The following KCNT2 variants were observed in gnomAD, a reference collection of about 807,000 sequenced individuals.
KCNT2 encodes potassium channel subfamily T member 2.
Under a neutral mutation model 153.8 loss-of-function variants are expected in KCNT2, and 67 were observed. The observed-to-expected ratio is 0.44, with a 90% CI of 0.36 to 0.53. KCNT2 has a LOEUF of 0.53. Among genes scored for constraint, KCNT2 ranks in the 20% least tolerant of loss-of-function variants. The pLI is 0.00. For synonymous variants in KCNT2, 500 were observed against 458.8 expected (o/e 1.09, Z -1.15); for missense variants, 975 against 1,354.8 (o/e 0.72, Z 4.40).
At chr1:196,359,858 C>G (rs1330619100) in intron 14 of KCNT2, among the ~76,000 whole-genome samples, 1 of 151,500 alleles carries the variant, frequency 6.6e-6, no homozygotes, top group Non-Finnish European at 1.5e-5. Flanking sequence ...GGAGTACATG[C>G]TATATATAAG....
At chr1:196,479,670 C>G (rs1557988904) in intron 4 of KCNT2, among the ~76,000 whole-genome samples, 1 of 152,088 alleles carries the variant, frequency 6.6e-6, no homozygotes, top group Non-Finnish European at 1.5e-5. Context: ...CTCAGCATTC[C>G]TAAGTGCTGG....
intron 13 of KCNT2, among the ~76,000 whole-genome samples, chr1:196,374,737 C>T (rs1019550487): frequency 1.3e-5 from 2 of 151,376 alleles, no homozygotes; most frequent in Non-Finnish European, 3.0e-5. Context: ...GTGTGTATGC[C>T]CAATCTGTGA....
chr1:196,470,058 A>T (rs933994763), intron 5 of KCNT2, among the ~76,000 whole-genome samples: 1 of 152,242 alleles, frequency 6.6e-6, no homozygotes, highest in African/African-American at 2.4e-5. Context: ...CCATATACTA[A>T]GAAATTAAGT....
At chr1:196,533,324 G>C (rs1655175240) in intron 1 of KCNT2, among the ~76,000 whole-genome samples, 1 of 151,918 alleles carries the variant, frequency 6.6e-6, no homozygotes, top group Admixed American at 6.6e-5. Flanking sequence ...CCTTACAAAA[G>C]GGGTAATTAC....
chr1:196,437,282 A>AATATATATAATATATATAAATATATTT (rs1558290494), intron 8 of KCNT2, among the ~76,000 whole-genome samples: 1 of 77,554 alleles, frequency 1.3e-5, no homozygotes, highest in Non-Finnish European at 3.1e-5. Context: ...ATATATATAA[A>AATATATATAATATATATAAATATATTT]ATATATATAA....
At chr1:196,287,227 C>G (rs954171405) in intron 22 of KCNT2, among the ~76,000 whole-genome samples, 1 of 152,060 alleles carries the variant, frequency 6.6e-6, no homozygotes, top group Non-Finnish European at 1.5e-5. Context: ...TTAACTTGAA[C>G]AGCTCATGTG....
chr1:196,320,550 A>T (rs1055981427), intron 19 of KCNT2, among the ~76,000 whole-genome samples: 3 of 151,790 alleles, frequency 2.0e-5, no homozygotes, highest in Admixed American at 6.6e-5. Context: ...TCAGCATATG[A>T]GGAGGAGAAG....
chr1:196,505,252 A>G (rs1572667759), intron 1 of KCNT2, among the ~76,000 whole-genome samples: 1 of 152,096 alleles, frequency 6.6e-6, no homozygotes, highest in Admixed American at 6.6e-5. Context: ...AGCTTGAATT[A>G]ATTTTTGTAT....
At chr1:196,460,135 T>G (rs887036891) in intron 8 of KCNT2, among the ~76,000 whole-genome samples, 1 of 151,762 alleles carries the variant, frequency 6.6e-6, no homozygotes, top group African/African-American at 2.4e-5. Context: ...GGAGACAAAA[T>G]TGGCCAAAAT....
chr1:196,557,040 T>C (rs1295681337), intron 1 of KCNT2, among the ~76,000 whole-genome samples: 1 of 150,798 alleles, frequency 6.6e-6, no homozygotes. Flanking sequence ...ATACAAAAAA[T>C]ATAGAGTTAG....
intron 4 of KCNT2, among the ~76,000 whole-genome samples, chr1:196,480,018 A>G (rs926914551): frequency 6.6e-6 from 1 of 152,230 alleles, no homozygotes; most frequent in Admixed American, 6.5e-5. Context: ...TGTTAGTACT[A>G]TCTTCCTACG....
chr1:196,604,886 G>C (rs1012794593), intron 1 of KCNT2, among the ~76,000 whole-genome samples: 1 of 152,030 alleles, frequency 6.6e-6, no homozygotes, highest in Non-Finnish European at 1.5e-5. Context: ...ATGTGTATGT[G>C]TTTTTACCTA....
At chr1:196,402,419 A>ATGCAAG (rs2148453384) in intron 12 of KCNT2, among the ~76,000 whole-genome samples, 1 of 151,762 alleles carries the variant, frequency 6.6e-6, no homozygotes. Context: ...AAAGGAATAA[A>ATGCAAG]TGCAAGTTTA....
chr1:196,378,467 A>G lies in KCNT2; in HGVS notation c.1295-5219T>C, dbSNP rs150550843. ...GAGTATTTGTCTTAGGGAATGGATG[A>G]GTGTTTTCTCATTTATTCCCTATGT... On this transcript the variant is annotated intron_variant, in intron 13 of 27. Coordinates refer to ENST00000294725, the MANE Select transcript of KCNT2 (RefSeq NM_198503.5). 1.2e-3 allele frequency among the ~76,000 whole-genome samples: 176 copies of G among 152,038 alleles called. 1 individual carries two copies. Among genetic ancestry groups the G allele is most frequent in the African/African-American group, 4.1e-3 (170 of 41,524 alleles).
intron 5 of KCNT2, among the ~76,000 whole-genome samples, chr1:196,475,435 T>C (rs963677515): frequency 4.6e-5 from 7 of 151,886 alleles, no homozygotes; most frequent in Non-Finnish European, 8.8e-5. Context: ...CTAAGCAACA[T>C]AGCAAAACCC....
intron 1 of KCNT2, among the ~76,000 whole-genome samples, chr1:196,546,898 A>G (rs1657171495): frequency 6.6e-6 from 1 of 152,054 alleles, no homozygotes; most frequent in African/African-American, 2.4e-5. Flanking sequence ...TAAAGGTACT[A>G]AACTGCATAG....
At chr1:196,265,854 C>G (rs956346304) in intron 25 of KCNT2, among the ~76,000 whole-genome samples, 4 of 152,124 alleles carry the variant, frequency 2.6e-5, no homozygotes, top group African/African-American at 9.7e-5. Flanking sequence ...AACCCAACTT[C>G]AATCTAGGGA....
intron 25 of KCNT2, among the ~76,000 whole-genome samples, chr1:196,265,576 C>G (rs1022176362): frequency 6.6e-6 from 1 of 152,054 alleles, no homozygotes; most frequent in Non-Finnish European, 1.5e-5. Context: ...TGCATCAGCC[C>G]CCATTCTACA....
At chr1:196,394,457 T>C (rs1474537747) in intron 13 of KCNT2, among the ~76,000 whole-genome samples, 1 of 151,568 alleles carries the variant, frequency 6.6e-6, no homozygotes, top group Non-Finnish European at 1.5e-5. Flanking sequence ...AGGTTTTTGA[T>C]TGAGTTCTAT....
Sources: gnomAD v4.1 joint callset for allele counts (sites outside exome capture counted in the v4.1 genomes callset) on GRCh38, gnomAD v4.1.1 for gene constraint, MANE v1.5 for transcripts, NCBI Gene and HGNC (gene_info 2026-07-23, HGNC 2026-07-21) for gene names.